Variants in IL23R observed in about 807,000 individuals in gnomAD.
IL23R encodes the protein interleukin 23 receptor, also known as interleukin-23 receptor.
A neutral mutation model predicts 56.9 loss-of-function variants in IL23R; 34 were observed. That is an observed-to-expected ratio of 0.60 (90% CI 0.45 to 0.80). IL23R has a LOEUF of 0.80. Ranked by LOEUF, IL23R falls within the 30% of genes least tolerant of loss-of-function variation. The pLI is 0.00. For synonymous variants in IL23R, 230 were observed against 249.2 expected, an observed-to-expected ratio of 0.92 and a Z score of 0.73; for missense variants, 635 against 730.0, an observed-to-expected ratio of 0.87 and a Z score of 1.50.
chr1:67,251,736 T>C (rs1271346588), intron 9 of IL23R, among the ~76,000 whole-genome samples: 1 of 152,156 alleles, frequency 6.6e-6, no homozygotes, highest in Non-Finnish European at 1.5e-5. Flanking sequence ...ACTCATTCCT[T>C]AACCCAGGAA....
chr1:67,197,327 G>A (rs1648236641), intron 4 of IL23R, among the ~76,000 whole-genome samples: 1 of 152,170 alleles, frequency 6.6e-6, no homozygotes, highest in African/African-American at 2.4e-5. Flanking sequence ...TCAAGGAAAA[G>A]TAAAGGCAAA....
In IL23R at chr1:67,182,480, C is replaced by T. The variant is rs111899867; in HGVS notation, c.368-356C>T. ...CTGGTGTGCCATTTGCTGAGACTGT[C>T]GGAAAAGTGCAGTATTAGGGTGGGA... On this transcript the variant is annotated intron_variant, in intron 3 of 10. Coordinates refer to ENST00000347310, the MANE Select transcript of IL23R (RefSeq NM_144701.3). 2.9e-3 allele frequency among the ~76,000 whole-genome samples: 449 copies of T among 152,252 alleles called. 5 individuals carry two copies. The highest frequency in any genetic ancestry group is 0.011 in the African/African-American group (437 of 41,552).
At chr1:67,198,286 T>TCTCCAGCA (rs1648325048) in intron 4 of IL23R, among the ~76,000 whole-genome samples, 1 of 152,082 alleles carries the variant, frequency 6.6e-6, no homozygotes, top group South Asian at 2.1e-4. Flanking sequence ...AAAGAAGCAT[T>TCTCCAGCA]CTCCAGCACT....
intron 6 of IL23R, among the ~76,000 whole-genome samples, chr1:67,218,049 C>A (rs1306846521): frequency 6.6e-6 from 1 of 151,964 alleles, no homozygotes; most frequent in Non-Finnish European, 1.5e-5. Context: ...TCCAGTAAAT[C>A]AGTTACTAGA....
chr1:67,207,381 C>T (rs1430819914), intron 6 of IL23R, among the ~76,000 whole-genome samples: 2 of 152,082 alleles, frequency 1.3e-5, no homozygotes, highest in Non-Finnish European at 2.9e-5. Context: ...CTAGTGTGGT[C>T]CCCAGTGTCT....
At chr1:67,237,116 C>T (rs1651531453) in intron 8 of IL23R, among the ~76,000 whole-genome samples, 1 of 152,118 alleles carries the variant, frequency 6.6e-6, no homozygotes. Flanking sequence ...AATCTCGGCT[C>T]ACTGCAACCT....
At chr1:67,145,557 A>G (rs994246476) in intron 1 of IL23R, among the ~76,000 whole-genome samples, 2 of 152,036 alleles carry the variant, frequency 1.3e-5, no homozygotes, top group Admixed American at 1.3e-4. Flanking sequence ...TCCCATGTCT[A>G]TGTTCATTTC....
intron 4 of IL23R, among the ~76,000 whole-genome samples, chr1:67,190,243 C>A (rs2102601072): frequency 6.6e-6 from 1 of 152,308 alleles, no homozygotes; most frequent in East Asian, 1.9e-4. Flanking sequence ...TCCCCTATGG[C>A]AACATAGGTG....
Position 67,219,437 on chromosome 1 carries a change from T to C in IL23R, c.799-137T>C, listed in dbSNP as rs1416989419. On this transcript the variant is annotated intron_variant, in intron 6 of 10. Coordinates refer to ENST00000347310, the MANE Select transcript of IL23R (RefSeq NM_144701.3). ...GTATTTGATTATGTACGGCCACGTTTTATATAAAGAACACTTTGTTTTCCT... is the reference window on the plus strand; with the variant it reads ...GTATTTGATTATGTACGGCCACGTTCTATATAAAGAACACTTTGTTTTCCT... The C allele has an allele frequency of 7.8e-6, 6 of 768,962 alleles. No individual in the cohort carries two copies. The African/African-American group carries it at 8.7e-5, about 11-fold the overall frequency. 47.6% of individuals were successfully genotyped at this position (768,962 alleles called of 1,614,324 possible).
intron 1 of IL23R, among the ~76,000 whole-genome samples, chr1:67,155,891 A>C (rs772299304): frequency 2.6e-5 from 4 of 152,202 alleles, no homozygotes; most frequent in Non-Finnish European, 5.9e-5. Flanking sequence ...TGGAAGAGTC[A>C]GTGTTTTTGC....
At chr1:67,219,433 C>T (rs2863212) in intron 6 of IL23R, 141 bp from the exon 7 acceptor site, 650,774 of 732,406 alleles carry the variant, frequency 0.89, 290,068 homozygotes, top group East Asian at 0.99. Flanking sequence ...TGTACGGCCA[C>T]GTTTTATATA....
chr1:67,144,990 T>C (rs1231446147), intron 1 of IL23R, among the ~76,000 whole-genome samples: 2 of 152,220 alleles, frequency 1.3e-5, no homozygotes. Context: ...CCAAACTTGC[T>C]CCATCTCAGC....
chr1:67,243,928 A>T (rs1158761545), intron 9 of IL23R, among the ~76,000 whole-genome samples: 1 of 152,302 alleles, frequency 6.6e-6, no homozygotes, highest in Middle Eastern at 3.4e-3. Context: ...TCCCACCAAC[A>T]GTGTAAAAGC....
intron 9 of IL23R, among the ~76,000 whole-genome samples, chr1:67,245,152 A>C (rs909100659): frequency 6.6e-6 from 1 of 152,156 alleles, no homozygotes; most frequent in Non-Finnish European, 1.5e-5. Flanking sequence ...TGATTTTTGC[A>C]CATTAATTTT....
At chr1:67,139,278 G>A (rs569943495) in intron 1 of IL23R, 2 of 152,186 alleles carry the variant, frequency 1.3e-5, no homozygotes, top group African/African-American at 4.8e-5. Flanking sequence ...AAAATGGATA[G>A]ATTAACTATC....
chr1:67,253,350 G>A (rs1373474134), intron 9 of IL23R, among the ~76,000 whole-genome samples: 1 of 152,166 alleles, frequency 6.6e-6, no homozygotes, highest in Non-Finnish European at 1.5e-5. Context: ...GATGCATTGA[G>A]TATTTCTAAG....
chr1:67,249,268 G>T (rs947896125), intron 9 of IL23R, among the ~76,000 whole-genome samples: 1 of 152,144 alleles, frequency 6.6e-6, no homozygotes. Context: ...GATTCTTACC[G>T]AGTCTAAATG....
chr1:67,163,496 A>AAAAAAAAG (rs1558221020), upstream of IL23R, among the ~76,000 whole-genome samples: 2 of 142,822 alleles, frequency 1.4e-5, no homozygotes, highest in African/African-American at 5.3e-5. Context: ...AAAAAAAAAA[A>AAAAAAAAG]AAGACAGAAA....
chr1:67,187,599 T>C (rs1647430260), intron 4 of IL23R, among the ~76,000 whole-genome samples: 1 of 152,230 alleles, frequency 6.6e-6, no homozygotes, highest in Non-Finnish European at 1.5e-5. Flanking sequence ...TTATGAGTAC[T>C]AAGATTGTTC....
Sources: gnomAD v4.1 joint callset for allele counts (sites outside exome capture counted in the v4.1 genomes callset) on GRCh38, gnomAD v4.1.1 for gene constraint, MANE v1.5 for transcripts, NCBI Gene and HGNC (gene_info 2026-07-23, HGNC 2026-07-21) for gene names.